Variants in SLC2A13 observed in about 807,000 individuals in gnomAD.
The protein encoded by SLC2A13 is proton myo-inositol cotransporter.
SLC2A13 carries 32 observed loss-of-function variants against 64.4 expected under a neutral mutation model. The observed-to-expected ratio is 0.50, with a 90% CI of 0.37 to 0.67. The LOEUF (loss-of-function observed/expected upper bound fraction) is 0.67, where lower values mean the gene tolerates loss of function less well. Among genes scored for constraint, SLC2A13 ranks in the 30% least tolerant of loss-of-function variants. The pLI is 0.00. For missense variants in SLC2A13, 743 were observed against 829.2 expected (o/e 0.90, Z 1.28); for synonymous variants, 338 against 327.1 (o/e 1.03, Z -0.36).
At chr12:39,896,459 T>C (rs182760342) in intron 4 of SLC2A13, among the ~76,000 whole-genome samples, 5 of 144,328 alleles carry the variant, frequency 3.5e-5, no homozygotes, top group African/African-American at 1.0e-4. Context: ...TGTGTGTATA[T>C]ATGTATACAT....
At chr12:40,011,383 A>G (rs1947528761) in intron 3 of SLC2A13, among the ~76,000 whole-genome samples, 1 of 152,210 alleles carries the variant, frequency 6.6e-6, no homozygotes, top group Non-Finnish European at 1.5e-5. Context: ...GTGAGGGTGG[A>G]TCAGGAGCTT....
At chr12:39,959,189 C>G (rs1219918049) in intron 3 of SLC2A13, among the ~76,000 whole-genome samples, 1 of 152,154 alleles carries the variant, frequency 6.6e-6, no homozygotes, top group African/African-American at 2.4e-5. Flanking sequence ...CACACCCACG[C>G]TGTTTTCCTC....
At position 40,105,132 on chromosome 12, in the gene SLC2A13, GGAGGATTCTCT is replaced by G; in HGVS notation, c.556+110_556+120del. The G allele has an allele frequency of 3.6e-6, 5 of 1,404,596 alleles. No individual in the cohort carries two copies. The highest frequency in any genetic ancestry group is 1.5e-5 in the African/African-American group (1 of 66,058). The allele number at this position is 1,404,596 out of a possible 1,614,324, so 87.0% of individuals were successfully genotyped here. On this transcript the variant is annotated intron_variant, in intron 1 of 9. Transcript: ENST00000280871. The surrounding 1 kb of genome is among the most constrained non-coding windows in gnomAD (Gnocchi z 4.2). ...GATGGGCTCTGGAGGCCAGAGAAGTGGAGGATTCTCTGACCCTGGGAGACCAGACGGGGACC... is the reference window on the plus strand; with the variant it reads ...GATGGGCTCTGGAGGCCAGAGAAGTGGACCCTGGGAGACCAGACGGGGACC...
chr12:39,981,267 A>G (rs1292245419), intron 3 of SLC2A13, among the ~76,000 whole-genome samples: 2 of 151,264 alleles, frequency 1.3e-5, no homozygotes, highest in East Asian at 3.9e-4. Flanking sequence ...GAAAAGAACT[A>G]GAAAAGCAAG....
At chr12:39,892,359 C>T (rs1326578375) in intron 4 of SLC2A13, among the ~76,000 whole-genome samples, 1 of 152,150 alleles carries the variant, frequency 6.6e-6, no homozygotes, top group Non-Finnish European at 1.5e-5. Context: ...TATTTCTCCC[C>T]AGGGAGATTC....
intron 4 of SLC2A13, among the ~76,000 whole-genome samples, chr12:39,890,029 G>A (rs573101912): frequency 1.3e-5 from 2 of 152,188 alleles, no homozygotes; most frequent in Admixed American, 1.3e-4. Context: ...GAAGTAGCAA[G>A]AAAATTACTA....
intron 4 of SLC2A13, among the ~76,000 whole-genome samples, chr12:39,929,744 G>A (rs1342919316): frequency 6.6e-6 from 1 of 151,406 alleles, no homozygotes; most frequent in Non-Finnish European, 1.5e-5. Flanking sequence ...TTCTCATTAG[G>A]TTTAACTGTA....
chr12:39,768,978 C>T (rs1187257511), intron 7 of SLC2A13, among the ~76,000 whole-genome samples: 1 of 152,020 alleles, frequency 6.6e-6, no homozygotes, highest in African/African-American at 2.4e-5. Context: ...TCCATTCTTC[C>T]TCTATTTTTG....
intron 4 of SLC2A13, among the ~76,000 whole-genome samples, chr12:39,949,146 AT>A (rs1172844627): frequency 6.6e-6 from 1 of 152,188 alleles, no homozygotes; most frequent in Non-Finnish European, 1.5e-5. Flanking sequence ...TGGGCTTATA[AT>A]ATGAATGTCT....
chr12:39,988,691 GAGGAAGGAAGGA>G (rs539712670), intron 3 of SLC2A13, among the ~76,000 whole-genome samples: 21,798 of 79,680 alleles, frequency 0.27, 3,261 homozygotes, highest in Non-Finnish European at 0.37. Flanking sequence ...GGGAGGGAGG[GAGGAAGGAAGGA>G]AGGAAGGAAG....
At chr12:40,019,953 G>A (rs776234275) in intron 3 of SLC2A13, among the ~76,000 whole-genome samples, 6 of 152,066 alleles carry the variant, frequency 3.9e-5, no homozygotes, top group Non-Finnish European at 5.9e-5. Context: ...GAAATAATAG[G>A]TGTTAATAAG....
intron 6 of SLC2A13, among the ~76,000 whole-genome samples, chr12:39,856,444 C>T (rs1943610188): frequency 6.6e-6 from 1 of 152,202 alleles, no homozygotes; most frequent in African/African-American, 2.4e-5. Flanking sequence ...TCTCGGCTCA[C>T]TGTAACCTCT....
At chr12:39,986,761 A>G (rs1196603115) in intron 3 of SLC2A13, among the ~76,000 whole-genome samples, 1 of 152,026 alleles carries the variant, frequency 6.6e-6, no homozygotes, top group African/African-American at 2.4e-5. Context: ...CACTGATCAA[A>G]CCGACCAATT....
chr12:39,960,674 C>T lies in SLC2A13; in HGVS notation c.926-9309G>A, dbSNP rs148749966. Among the ~76,000 whole-genome samples, 410 of 149,944 alleles carry T rather than the reference C, an allele frequency of 2.7e-3. 3 individuals are homozygous for T. The highest frequency in any genetic ancestry group is 3.2e-3 in the Non-Finnish European group (217 of 67,434). ...GATTACAGGCGTGAGCCACCGCGCC[C>T]GGCCTAATATTGGCTAGTATTTTCA... On this transcript the variant is annotated intron_variant, in intron 3 of 9. Coordinates refer to ENST00000280871, the MANE Select transcript of SLC2A13 (RefSeq NM_052885.4).
intron 6 of SLC2A13, among the ~76,000 whole-genome samples, chr12:39,844,235 T>C (rs1943249894): frequency 6.6e-6 from 1 of 152,114 alleles, no homozygotes. Context: ...CACTAGCTTT[T>C]CTACTTATTG....
intron 2 of SLC2A13, among the ~76,000 whole-genome samples, chr12:40,033,412 A>C (rs1381675112): frequency 6.6e-6 from 1 of 152,256 alleles, no homozygotes; most frequent in African/African-American, 2.4e-5. Flanking sequence ...AGCAAAAGCA[A>C]AGCTGGCTGG....
At chr12:40,011,219 A>G (rs1054053916) in intron 3 of SLC2A13, among the ~76,000 whole-genome samples, 3 of 152,098 alleles carry the variant, frequency 2.0e-5, no homozygotes, top group African/African-American at 7.2e-5. Context: ...AAAAAGTTCT[A>G]TGTTGCAGGG....
chr12:39,833,402 G>C (rs1942915613), intron 6 of SLC2A13, among the ~76,000 whole-genome samples: 2 of 151,870 alleles, frequency 1.3e-5, no homozygotes, highest in Non-Finnish European at 2.9e-5. Flanking sequence ...CTACCTCAAA[G>C]AGACCTTCAA....
chr12:40,070,265 T>C (rs745721660), intron 1 of SLC2A13, among the ~76,000 whole-genome samples: 2 of 151,948 alleles, frequency 1.3e-5, no homozygotes, highest in African/African-American at 4.8e-5. Flanking sequence ...GATTTCTCTA[T>C]ACACTGGAAA....
Sources: gnomAD v4.1 joint callset for allele counts (sites outside exome capture counted in the v4.1 genomes callset) on GRCh38, gnomAD v4.1.1 for gene constraint, Gnocchi (gnomAD v3.1) non-coding constraint, MANE v1.5 for transcripts, NCBI Gene and HGNC (gene_info 2026-07-23, HGNC 2026-07-21) for gene names.